The following SEC61A2 variants were observed in gnomAD, a reference collection of about 807,000 sequenced individuals.
SEC61A2 encodes the protein SEC61 translocon subunit alpha 2.
SEC61A2 carries 28 observed loss-of-function variants against 59.9 expected under a neutral mutation model. That is an observed-to-expected ratio of 0.47 (90% CI 0.35 to 0.64). The LOEUF (loss-of-function observed/expected upper bound fraction) is 0.64, where lower values mean the gene tolerates loss of function less well. SEC61A2 is among the 30% of genes least tolerant of loss of function. The pLI is 0.01. For synonymous variants in SEC61A2, 202 were observed against 214.4 expected (o/e 0.94, Z 0.50); for missense variants, 340 against 585.9 (o/e 0.58, Z 4.33).
At position 12,135,227 on chromosome 10, in the gene SEC61A2, G is replaced by C. The variant is rs192959845; in HGVS notation, c.76-878G>C. On this transcript the variant is annotated intron_variant, in intron 2 of 11. Transcript: ENST00000298428. ...GGGCTTAAAACCTAGACGACAAGTTGATAGGTGCAGCAAACCACCATGGCA... is the reference window on the plus strand; with the variant it reads ...GGGCTTAAAACCTAGACGACAAGTTCATAGGTGCAGCAAACCACCATGGCA... Among the ~76,000 whole-genome samples the C allele has an allele frequency of 2.5e-3, 384 of 152,158 alleles. 1 individual carries two copies. Among genetic ancestry groups the C allele is most frequent in the African/African-American group, 8.9e-3 (369 of 41,492 alleles).
chr10:12,161,030 T>A lies in SEC61A2; in HGVS notation c.1076T>A (p.Val359Asp), dbSNP rs1232014381. The A allele has an allele frequency of 6.2e-7, 1 of 1,614,070 alleles. No homozygotes were observed. The highest frequency in any genetic ancestry group is 8.5e-7 in the Non-Finnish European group (1 of 1,179,898). Residue 359 changes from valine (V) to aspartate (D), a missense_variant, in exon 10 of 12, where the codon GTC becomes GAC. This residue lies in a region of SEC61A2 where 283 missense variants were observed against 483.2 expected (regional missense o/e 0.59). Coordinates refer to ENST00000298428, the MANE Select transcript of SEC61A2 (RefSeq NM_018144.4). This position sits in a 1 kb window ranked among gnomAD's most constrained non-coding sequence, Gnocchi z 5.4. ...ESMGAIFEDPVHVVVYIIFML... is the reference protein window; with the variant it reads ...ESMGAIFEDPDHVVVYIIFML... ...ATGGGCGCCATCTTTGAGGATCCTGTCCATGTCGTTGTTTATATCATCTTC... is the reference window on the plus strand; with the variant it reads ...ATGGGCGCCATCTTTGAGGATCCTGACCATGTCGTTGTTTATATCATCTTC...
downstream of SEC61A2, chr10:12,167,128 G>C (rs1399770837): frequency 6.3e-6 from 1 of 158,792 alleles, no homozygotes; most frequent in Admixed American, 6.0e-5. Context: ...TTAAAAGCTG[G>C]TTCAGCCTCA....
chr10:12,156,829 C>G lies in SEC61A2; in HGVS notation c.617-78C>G. On this transcript the variant is annotated intron_variant, in intron 7 of 11. Coordinates refer to ENST00000298428, the MANE Select transcript of SEC61A2 (RefSeq NM_018144.4). The surrounding 1 kb of genome is among the most constrained non-coding windows in gnomAD (Gnocchi z 5.2). ...CCCATATTTTCTGCTGTATACTGGA[C>G]TTTCACGGTTAGTTGTTTGAGCTTT... 6.8e-7 allele frequency: 1 copy of G among 1,474,440 alleles called. No individual in the cohort carries two copies. The highest frequency in any genetic ancestry group is 1.2e-5 in the South Asian group (1 of 81,438). 91.3% of individuals were successfully genotyped at this position (1,474,440 alleles called of 1,614,324 possible).
chr10:12,169,418 T>C, downstream of SEC61A2: 1 of 908,480 alleles, frequency 1.1e-6, no homozygotes. This position sits in a 1 kb window ranked among gnomAD's most constrained non-coding sequence, Gnocchi z 4.8. Context: ...TGTTCCTGTT[T>C]TATGAAAAAA....
chr10:12,167,104 A>G (rs1057486509), downstream of SEC61A2: 6 of 160,502 alleles, frequency 3.7e-5, no homozygotes, highest in African/African-American at 1.4e-4. Context: ...AATGGAGTCA[A>G]CCGTTTTCCT....
intron 4 of SEC61A2, among the ~76,000 whole-genome samples, chr10:12,146,753 T>C (rs1001952370): frequency 4.6e-5 from 7 of 151,066 alleles, no homozygotes; most frequent in South Asian, 2.1e-4. Flanking sequence ...CTCCTGACCT[T>C]GTGATCCGCC....
In SEC61A2 at chr10:12,154,964, T is replaced by A. The variant is rs1004890180; in HGVS notation, c.463-814T>A. Among the ~76,000 whole-genome samples, 2 of 152,128 alleles carry A rather than the reference T, an allele frequency of 1.3e-5. No individual in the cohort carries two copies. The highest frequency in any genetic ancestry group is 4.8e-5 in the African/African-American group (2 of 41,410). On this transcript the variant is annotated intron_variant, in intron 6 of 11. Transcript: ENST00000298428. This position sits in a 1 kb window ranked among gnomAD's most constrained non-coding sequence, Gnocchi z 5.2. Reference sequence around the variant, plus strand: ...TTTTCTTCCTGTCTTGATTAGGTTATTTGAGTGCAGGGAAGGGGTCATATG... The same window carrying A: ...TTTTCTTCCTGTCTTGATTAGGTTAATTGAGTGCAGGGAAGGGGTCATATG...
chr10:12,132,368 C>T (rs1478995862), intron 1 of SEC61A2, among the ~76,000 whole-genome samples: 1 of 152,012 alleles, frequency 6.6e-6, no homozygotes, highest in African/African-American at 2.4e-5. Flanking sequence ...AATCCCAGCA[C>T]TTTGGAAGGC....
Position 12,136,134 on chromosome 10 carries a change from T to A in SEC61A2, c.105T>A (p.Thr35=). ...AGTTTAGAGAGAAGGTTCTGTGGAC[T>A]GCTATAACGCTCTTCATTTTCTTAG... ...KIQFREKVLW[T]AITLFIFLVC... is the part of the protein sequence containing the mutation. The change falls in exon 3 of 12, where the codon ACT becomes ACA. Residue 35 remains threonine (T), a synonymous_variant. Transcript: ENST00000298428. 6.2e-7 allele frequency: 1 copy of A among 1,605,402 alleles called. No homozygotes were observed. Among genetic ancestry groups the A allele is most frequent in the Non-Finnish European group, 8.5e-7 (1 of 1,172,106 alleles).
chr10:12,166,070 A>G (rs1034548372), downstream of SEC61A2: 1 of 152,282 alleles, frequency 6.6e-6, no homozygotes, highest in Non-Finnish European at 1.5e-5. Context: ...TCATGTTTAT[A>G]AAAAATAGAA....
At chr10:12,159,320 G>A (rs564978964) in intron 9 of SEC61A2, among the ~76,000 whole-genome samples, 1 of 152,238 alleles carries the variant, frequency 6.6e-6, no homozygotes, top group South Asian at 2.1e-4. Flanking sequence ...TTATTGAAGC[G>A]TGAGTTACTG....
downstream of SEC61A2, chr10:12,166,701 C>T: frequency 5.9e-6 from 3 of 507,538 alleles, no homozygotes; most frequent in South Asian, 4.5e-5. Flanking sequence ...TCCGTGGGGG[C>T]CAGACTGGAA....
intron 4 of SEC61A2, among the ~76,000 whole-genome samples, chr10:12,148,491 C>T (rs928044301): frequency 8.6e-5 from 13 of 151,588 alleles, no homozygotes; most frequent in African/African-American, 2.9e-4. Flanking sequence ...GTGATCTGCC[C>T]GCCTTGGCCT....
In SEC61A2 at chr10:12,129,715, G is replaced by GC; in HGVS notation, c.-70dup. Reference sequence around the variant, plus strand: ...GATCGCGTCGGGAGCCGGTACCGAGGCCCGAGCCGCGGGAGTCGAGCGAAG... The same window carrying GC: ...GATCGCGTCGGGAGCCGGTACCGAGGCCCCGAGCCGCGGGAGTCGAGCGAAG... On this transcript the variant is annotated 5_prime_UTR_variant, in exon 1 of 12. Coordinates refer to ENST00000298428, the MANE Select transcript of SEC61A2 (RefSeq NM_018144.4). The surrounding 1 kb of genome is among the most constrained non-coding windows in gnomAD (Gnocchi z 5.6). 1 of 1,429,128 alleles carries GC rather than the reference G, an allele frequency of 7.0e-7. No homozygotes were observed. Among genetic ancestry groups the GC allele is most frequent in the Non-Finnish European group, 9.3e-7 (1 of 1,075,098 alleles). The allele number at this position is 1,429,128 out of a possible 1,614,324, so 88.5% of individuals were successfully genotyped here.
At position 12,164,703 on chromosome 10, in the gene SEC61A2, G is replaced by C. The variant is rs1834623941; in HGVS notation, c.*249G>C. The C allele has an allele frequency of 1.6e-6, 2 of 1,272,536 alleles. No individual in the cohort carries two copies. The highest frequency in any genetic ancestry group is 4.2e-5 in the Admixed American group (1 of 23,644). The allele number at this position is 1,272,536 out of a possible 1,614,324, so 78.8% of individuals were successfully genotyped here. ...GTGTTGCCTGTAATGCTGGAAACCA[G>C]TGTATCTACCTTGCTGTGTTAAATC... is the stretch of plus-strand genomic sequence containing the variant. On this transcript the variant is annotated 3_prime_UTR_variant, in exon 12 of 12. Coordinates refer to ENST00000298428, the MANE Select transcript of SEC61A2 (RefSeq NM_018144.4). This position sits in a 1 kb window ranked among gnomAD's most constrained non-coding sequence, Gnocchi z 7.3.
In SEC61A2 at chr10:12,157,026, A is replaced by G. The variant is rs1834414358; in HGVS notation, c.736A>G (p.Ile246Val). 6.2e-7 allele frequency: 1 copy of G among 1,614,108 alleles called. No homozygotes were observed. The highest frequency in any genetic ancestry group is 1.1e-5 in the South Asian group (1 of 91,080). Residue 246 changes from isoleucine (I) to valine (V), a missense_variant, in exon 8 of 12, where the codon ATT (isoleucine) becomes GTT (valine). Ile to Val is a conservative substitution (Grantham distance 29). Transcript: ENST00000298428. ...RQNLPNLMNLIATVFVFAVVI... is the reference protein window; with the variant it reads ...RQNLPNLMNLVATVFVFAVVI... ...GAACTTACCCAATCTCATGAACCTC[A>G]TTGCTACAGTTTTTGTGTTTGCTGT...
chr10:12,149,922 A>G lies in SEC61A2; in HGVS notation c.423A>G (p.Ala141=), dbSNP rs1264874412. The G allele has an allele frequency of 6.2e-7, 1 of 1,613,994 alleles. No individual in the cohort carries two copies. Among genetic ancestry groups the G allele is most frequent in the Non-Finnish European group, 8.5e-7 (1 of 1,179,842 alleles). ...TGACGGGGATGTATGGGGACCCTGC[A>G]GAAATGGGTGCCGGAATCTGTCTCC... The part of the protein sequence containing the change: ...YVMTGMYGDP[A]EMGAGICLLI... Residue 141 remains alanine (A), a synonymous_variant, in exon 6 of 12, where the codon GCA becomes GCG. Transcript: ENST00000298428. The surrounding 1 kb of genome is among the most constrained non-coding windows in gnomAD (Gnocchi z 5.2).
rs1182971365 is a variant in SEC61A2, at chr10:12,161,161, T to C, written c.1167+40T>C. The C allele has an allele frequency of 6.7e-7, 1 of 1,493,850 alleles. No homozygotes were observed. Among genetic ancestry groups the C allele is most frequent in the Non-Finnish European group, 9.2e-7 (1 of 1,091,408 alleles). 92.5% of individuals were successfully genotyped at this position (1,493,850 alleles called of 1,614,324 possible). A position where few individuals can be genotyped will look rare whatever the true frequency, so the allele number is the denominator to read the frequency against. On this transcript the variant is annotated intron_variant, in intron 10 of 11. Transcript: ENST00000298428. The surrounding 1 kb of genome is among the most constrained non-coding windows in gnomAD (Gnocchi z 5.4). ...TATTTTAAAATAAAACTCTTGGCAATGCATGGTGGCGCACATCTGTAATCG... is the reference window on the plus strand; with the variant it reads ...TATTTTAAAATAAAACTCTTGGCAACGCATGGTGGCGCACATCTGTAATCG...
Position 12,136,146 on chromosome 10 carries a change from C to T in SEC61A2, c.117C>T (p.Leu39=). The T allele has an allele frequency of 2.5e-6, 4 of 1,597,466 alleles. No homozygotes were observed. Among genetic ancestry groups the T allele is most frequent in the Non-Finnish European group, 3.4e-6 (4 of 1,165,044 alleles). ...AGGTTCTGTGGACTGCTATAACGCT[C>T]TTCATTTTCTTAGTGTGTTGTCAGG... is the stretch of plus-strand genomic sequence containing the variant. ...REKVLWTAIT[L]FIFLVCCQIP... Residue 39 remains leucine (L), a synonymous_variant, in exon 3 of 12, where the codon CTC becomes CTT. Transcript: ENST00000298428.
Sources: gnomAD v4.1 joint callset for allele counts (sites outside exome capture counted in the v4.1 genomes callset) on GRCh38, gnomAD v4.1.1 for gene constraint, gnomAD v4.1.1 regional missense constraint, Gnocchi (gnomAD v3.1) non-coding constraint, MANE v1.5 for transcripts, NCBI Gene and HGNC (gene_info 2026-07-23, HGNC 2026-07-21) for gene names.